DTNA: variants seen among roughly 807,000 people sequenced by gnomAD.
DTNA encodes the protein dystrophin-related protein 3.
A neutral mutation model predicts 100.7 loss-of-function variants in DTNA; 43 were observed. The ratio of observed to expected loss-of-function variants is 0.43; its 90% CI spans 0.33 to 0.55. The LOEUF (loss-of-function observed/expected upper bound fraction) is 0.55, where lower values mean the gene tolerates loss of function less well. DTNA is among the 20% of genes least tolerant of loss of function. The pLI is 0.04. For missense variants in DTNA, 798 were observed against 953.9 expected (o/e 0.84, Z 2.15); for synonymous variants, 349 against 347.9 (o/e 1.00, Z -0.04).
At chr18:34,754,991 AG>A (rs1206313805) in intron 1 of DTNA, among the ~76,000 whole-genome samples, 2 of 152,226 alleles carry the variant, frequency 1.3e-5, no homozygotes, top group Non-Finnish European at 2.9e-5. Context: ...GAGAAAGAGC[AG>A]GGGCCATAGC....
Position 34,889,468 on chromosome 18 carries a change from A to G in DTNA, c.*1734A>G, listed in dbSNP as rs1019469998. 27 of 985,452 alleles carry G rather than the reference A, an allele frequency of 2.7e-5. No individual in the cohort carries two copies. Among genetic ancestry groups the G allele is most frequent in the Non-Finnish European group, 3.0e-5 (25 of 829,946 alleles). 61.0% of individuals were successfully genotyped at this position (985,452 alleles called of 1,614,324 possible). On this transcript the variant is annotated 3_prime_UTR_variant, in exon 23 of 23. Transcript: ENST00000444659. ...TAAAGTCTCTGAAAAGGCCTTATTC[A>G]GAATAAGCAAGAAAGGTTCTGTGAT...
At chr18:34,846,506 A>T (rs1019595480) in intron 13 of DTNA, among the ~76,000 whole-genome samples, 1 of 152,162 alleles carries the variant, frequency 6.6e-6, no homozygotes, top group Admixed American at 6.6e-5. Context: ...GTTGTTAGAT[A>T]AGGAAATTCA....
intron 1 of DTNA, among the ~76,000 whole-genome samples, chr18:34,546,475 T>C (rs754342508): frequency 6.6e-6 from 1 of 152,120 alleles, no homozygotes; most frequent in East Asian, 1.9e-4. Context: ...CGAAAGGATC[T>C]AGAATCATGC....
rs542150915 is a variant in DTNA at position 34,710,812 on chromosome 18, T to C, written c.-2+367T>C. 3.3e-5 allele frequency among the ~76,000 whole-genome samples: 5 copies of C among 152,178 alleles called. No homozygotes were observed. The South Asian group carries it at 1.0e-3, about 32-fold the overall frequency. On this transcript the variant is annotated intron_variant, in intron 1 of 22. Transcript: ENST00000444659. The stretch of plus-strand genomic sequence containing the variant: ...TTCTTGTTTTGTTTTTTGAAAATGG[T>C]CCGCTTTTCTTAGAGGACACCTTAT...
chr18:34,747,028 T>A (rs2147934859), intron 1 of DTNA, among the ~76,000 whole-genome samples: 1 of 152,192 alleles, frequency 6.6e-6, no homozygotes, highest in South Asian at 2.1e-4. Flanking sequence ...AATGGTCCTG[T>A]CATTTTTTAA....
intron 1 of DTNA, among the ~76,000 whole-genome samples, chr18:34,697,191 C>T (rs1432452180): frequency 6.6e-6 from 1 of 152,156 alleles, no homozygotes; most frequent in Non-Finnish European, 1.5e-5. Flanking sequence ...TCTCCACCAC[C>T]ATTCCTTTAG....
In DTNA at chr18:34,745,584, G is replaced by T. The variant is rs116986143; in HGVS notation, c.-1-10392G>T. Among the ~76,000 whole-genome samples the T allele has an allele frequency of 4.4e-3, 665 of 152,240 alleles. 3 individuals are homozygous for T. The highest frequency in any genetic ancestry group is 7.8e-3 in the Non-Finnish European group (530 of 68,020). ...ATTGGGTTGTGTATCCAGGTATTCT[G>T]GTTCCTAGTGCATGAGGAGCGCATC... On this transcript the variant is annotated intron_variant, in intron 1 of 22. Transcript: ENST00000444659.
At chr18:34,735,547 TTTA>T (rs999043288) in intron 1 of DTNA, among the ~76,000 whole-genome samples, 6 of 152,208 alleles carry the variant, frequency 3.9e-5, no homozygotes, top group African/African-American at 1.4e-4. Context: ...TTGATTTTCT[TTTA>T]TTATTATTAT....
chr18:34,652,056 A>C (rs779090912), intron 1 of DTNA, among the ~76,000 whole-genome samples: 14 of 151,416 alleles, frequency 9.2e-5, no homozygotes, highest in Non-Finnish European at 1.2e-4. Flanking sequence ...ACAGATTGCG[A>C]CCCTGTCTCA....
intron 1 of DTNA, among the ~76,000 whole-genome samples, chr18:34,576,939 G>A (rs1014694410): frequency 6.6e-6 from 1 of 152,040 alleles, no homozygotes; most frequent in Non-Finnish European, 1.5e-5. Flanking sequence ...CAGACTTCTA[G>A]GCTACAGCCT....
chr18:34,868,327 C>T (rs1568853029), intron 17 of DTNA: 1 of 334,332 alleles, frequency 3.0e-6, no homozygotes. Flanking sequence ...TTTCATGTGG[C>T]TGTTTCTTAT....
chr18:34,588,471 A>G lies in DTNA; in HGVS notation c.-2+94957A>G, dbSNP rs999468237. Among the ~76,000 whole-genome samples, 4 of 152,012 alleles carry G rather than the reference A, an allele frequency of 2.6e-5. No individual in the cohort carries two copies. In the South Asian group the frequency reaches 8.3e-4, roughly 32 times the overall value. On this transcript the variant is annotated intron_variant, in intron 1 of 19. Coordinates refer to the DTNA transcript ENST00000283365. ...ATCTTAAGAGTGTTCTTTTTCTTGG[A>G]TATTTCCCTCCTTGCCCTTTCTTAA...
At chr18:34,842,707 C>G (rs905659333) in intron 13 of DTNA, among the ~76,000 whole-genome samples, 7 of 152,190 alleles carry the variant, frequency 4.6e-5, no homozygotes, top group Admixed American at 3.9e-4. Context: ...ACTATATGCA[C>G]ATGAACTTGC....
chr18:34,856,232 C>G (rs2096551257), intron 15 of DTNA, among the ~76,000 whole-genome samples: 1 of 152,180 alleles, frequency 6.6e-6, no homozygotes, highest in Non-Finnish European at 1.5e-5. Flanking sequence ...GAGCCAGCAG[C>G]CTGGTTCTCT....
chr18:34,521,095 C>G (rs1021914769), intron 1 of DTNA, among the ~76,000 whole-genome samples: 1 of 152,204 alleles, frequency 6.6e-6, no homozygotes, highest in South Asian at 2.1e-4. Context: ...TTATTTACAG[C>G]TGCTTACTCA....
At chr18:34,796,924 A>G (rs2094997473) in intron 4 of DTNA, among the ~76,000 whole-genome samples, 1 of 152,168 alleles carries the variant, frequency 6.6e-6, no homozygotes, top group African/African-American at 2.4e-5. Flanking sequence ...CCCCAAGAAT[A>G]GCATTCCCTC....
intron 1 of DTNA, among the ~76,000 whole-genome samples, chr18:34,587,033 G>A (rs1052835827): frequency 6.6e-6 from 1 of 151,796 alleles, no homozygotes; most frequent in African/African-American, 2.4e-5. Context: ...TGTGATCACA[G>A]CTCACTGCAG....
chr18:34,648,638 G>A (rs913278629), intron 1 of DTNA, among the ~76,000 whole-genome samples: 2 of 152,224 alleles, frequency 1.3e-5, no homozygotes, highest in Non-Finnish European at 2.9e-5. Context: ...AAGACAGTTA[G>A]TGTTGCTTTA....
At chr18:34,642,552 T>C (rs1371873921) in intron 1 of DTNA, among the ~76,000 whole-genome samples, 1 of 151,560 alleles carries the variant, frequency 6.6e-6, no homozygotes, top group Non-Finnish European at 1.5e-5. Flanking sequence ...CTTCCTTCTT[T>C]CTTTCTTTCT....
Sources: gnomAD v4.1 joint callset for allele counts (sites outside exome capture counted in the v4.1 genomes callset) on GRCh38, gnomAD v4.1.1 for gene constraint, MANE v1.5 for transcripts, NCBI Gene and HGNC (gene_info 2026-07-23, HGNC 2026-07-21) for gene names.